The following EDN2 variants were observed in gnomAD, a reference collection of about 807,000 sequenced individuals.
EDN2 encodes endothelin-2.
EDN2 carries 10 observed loss-of-function variants against 19.9 expected under a neutral mutation model. The ratio of observed to expected loss-of-function variants is 0.50; its 90% CI spans 0.31 to 0.85. The LOEUF (loss-of-function observed/expected upper bound fraction) is 0.85. EDN2 is among the 40% of genes least tolerant of loss of function. The pLI is 0.05. For missense variants in EDN2, 222 were observed against 239.3 expected, an observed-to-expected ratio of 0.93 and a Z score of 0.48; for synonymous variants, 84 against 94.9, an observed-to-expected ratio of 0.89 and a Z score of 0.67.
intron 4 of EDN2, 131 bp from the exon 5 acceptor site, chr1:41,479,633 C>T: frequency 1.4e-6 from 1 of 721,374 alleles, no homozygotes; most frequent in Non-Finnish European, 2.3e-6. Context: ...TGGGGTCAGA[C>T]AGTGACCACA....
At chr1:41,484,366 T>C (rs915272294) in intron 1 of EDN2, among the ~76,000 whole-genome samples, 163 bp from the exon 2 acceptor site, 2 of 152,164 alleles carry the variant, frequency 1.3e-5, no homozygotes, top group Non-Finnish European at 2.9e-5. Context: ...CAGCAGCCCG[T>C]GGGGAGCCTG....
Position 41,482,317 on chromosome 1 carries a change from T to C in EDN2, c.344+149A>G, listed in dbSNP as rs1216065244. ...GTTCCTGCAAGAAGGGATGGTGCCA[T>C]GGACCCAAAGCAGCCTGTGGGCCCC... On this transcript the variant is annotated intron_variant, in intron 3 of 4. Transcript: ENST00000372587. 4 of 955,600 alleles carry C rather than the reference T, an allele frequency of 4.2e-6. No individual in the cohort carries two copies. In the African/African-American group the frequency reaches 5.2e-5, roughly 12 times the overall value. 59.2% of individuals were successfully genotyped at this position (955,600 alleles called of 1,614,324 possible).
At chr1:41,482,160 G>A (rs553594998) in intron 3 of EDN2, among the ~76,000 whole-genome samples, 5 of 152,228 alleles carry the variant, frequency 3.3e-5, no homozygotes, top group African/African-American at 1.2e-4. Context: ...GCAGCCTGAC[G>A]TGTCCTGCCC....
intron 4 of EDN2, chr1:41,480,555 C>T (rs1644238599): frequency 2.8e-6 from 1 of 362,522 alleles, no homozygotes; most frequent in Admixed American, 3.5e-5. Flanking sequence ...TTGTACCAGG[C>T]TGGGCTGGGG....
chr1:41,479,702 G>A (rs1392225559), intron 4 of EDN2, among the ~76,000 whole-genome samples, 200 bp from the exon 5 acceptor site: 1 of 152,218 alleles, frequency 6.6e-6, no homozygotes, highest in African/African-American at 2.4e-5. Flanking sequence ...AAGCTTCTCT[G>A]CACATGGGGG....
rs907414966 is a variant in EDN2, at chr1:41,479,266, G to A, written c.*143C>T. 4 of 760,774 alleles carry A rather than the reference G, an allele frequency of 5.3e-6. No individual in the cohort carries two copies. Among genetic ancestry groups the A allele is most frequent in the Non-Finnish European group, 6.9e-6 (3 of 436,210 alleles). 47.1% of individuals were successfully genotyped at this position (760,774 alleles called of 1,614,324 possible). A position where few individuals can be genotyped will look rare whatever the true frequency, so the allele number is the denominator to read the frequency against. On this transcript the variant is annotated 3_prime_UTR_variant, in exon 5 of 5. Transcript: ENST00000372587. ...ACGAGGCTCCCTCACCAGGGAGCTT[G>A]TGCCAATCCTGGCAAATGGGTCCAG...
At chr1:41,480,687 C>G (rs1257781783) in intron 4 of EDN2, 2 of 463,502 alleles carry the variant, frequency 4.3e-6, no homozygotes, top group South Asian at 3.1e-5. Flanking sequence ...TCCTGGGGGC[C>G]AGGTCTGACT....
chr1:41,479,374 G>C lies in EDN2; in HGVS notation c.*35C>G, dbSNP rs267598598. ...CACTTCTCTCCTCCTCTCTCCCCGCGGGCTTCCTTCCCAATGTTCCTCCAG... is the reference window on the plus strand; with the variant it reads ...CACTTCTCTCCTCCTCTCTCCCCGCCGGCTTCCTTCCCAATGTTCCTCCAG... On this transcript the variant is annotated 3_prime_UTR_variant, in exon 5 of 5. Transcript: ENST00000372587. 5 of 1,558,872 alleles carry C rather than the reference G, an allele frequency of 3.2e-6. No individual in the cohort carries two copies. In the African/African-American group the frequency reaches 5.4e-5, roughly 17 times the overall value.
intron 4 of EDN2, among the ~76,000 whole-genome samples, chr1:41,479,714 T>G (rs1174958370): frequency 6.6e-6 from 1 of 152,198 alleles, no homozygotes; most frequent in Non-Finnish European, 1.5e-5. Flanking sequence ...ACATGGGGGC[T>G]TTGACAGAGC....
intron 3 of EDN2, among the ~76,000 whole-genome samples, chr1:41,482,059 C>T (rs532843102): frequency 6.6e-6 from 1 of 152,294 alleles, no homozygotes; most frequent in South Asian, 2.1e-4. Flanking sequence ...GCTCCAAAGT[C>T]CCCCTGAACC....
chr1:41,482,514 G>C lies in EDN2; in HGVS notation c.296C>G (p.Ser99Cys), dbSNP rs1318791593. 25 of 1,596,742 alleles carry C rather than the reference G, an allele frequency of 1.6e-5. No homozygotes were observed. The highest frequency in any genetic ancestry group is 2.1e-5 in the Non-Finnish European group (25 of 1,172,846). Residue 99 changes from serine (S) to cysteine (C), a missense_variant, in exon 3 of 5, where the codon TCC becomes TGC. Transcript: ENST00000372587. ...GGCACAGGCGGGGTCCCTGGCACTGGAGCACTGACAGCGCCTTGGCAGGGA... is the reference window on the plus strand; with the variant it reads ...GGCACAGGCGGGGTCCCTGGCACTGCAGCACTGACAGCGCCTTGGCAGGGA... Reference protein sequence around the residue: ...RRSLPRRCQCSSARDPACATF... With the variant: ...RRSLPRRCQCCSARDPACATF...
At chr1:41,483,869 T>G in intron 2 of EDN2, 178 bp downstream of exon 2, 1 of 657,018 alleles carries the variant, frequency 1.5e-6, no homozygotes, top group Non-Finnish European at 2.6e-6. Flanking sequence ...GCCCTCTCTA[T>G]GGCTCAGGTG....
intron 2 of EDN2, 115 bp downstream of exon 2, chr1:41,483,932 A>T (rs998721981): frequency 7.5e-5 from 85 of 1,140,760 alleles, no homozygotes; most frequent in Non-Finnish European, 1.0e-4. Flanking sequence ...CAGTGCCTCC[A>T]TCTGGAGGCC....
At chr1:41,483,529 T>A (rs567949794) in intron 2 of EDN2, among the ~76,000 whole-genome samples, 1 of 152,224 alleles carries the variant, frequency 6.6e-6, no homozygotes, top group South Asian at 2.1e-4. Flanking sequence ...CAGGGCAGGT[T>A]CTCATCTGTC....
At position 41,484,044 on chromosome 1, in the gene EDN2, C is replaced by T. The variant is rs780800776; in HGVS notation, c.221+3G>A. 7.4e-5 allele frequency: 119 copies of T among 1,598,022 alleles called. No homozygotes were observed. The highest frequency in any genetic ancestry group is 2.7e-5 in the Non-Finnish European group (32 of 1,172,086). ...CCTGCCCCCAATCCCCATGGATGCT[C>T]ACTCAGGAGTGTTCACCCAGATGAT... On this transcript the variant is annotated splice_donor_region_variant and intron_variant, in intron 2 of 4. Coordinates refer to ENST00000372587, the MANE Select transcript of EDN2 (RefSeq NM_001956.5).
At chr1:41,483,276 G>A (rs1322557978) in intron 2 of EDN2, among the ~76,000 whole-genome samples, 5 of 152,234 alleles carry the variant, frequency 3.3e-5, no homozygotes, top group African/African-American at 1.2e-4. Context: ...GAGTCGCAGT[G>A]ACTCCAGGTA....
chr1:41,480,972 T>C, intron 4 of EDN2, 123 bp downstream of exon 4: 2 of 812,786 alleles, frequency 2.5e-6, no homozygotes, highest in Admixed American at 2.3e-5. Context: ...TGGCTTTCCC[T>C]CTCTGAGCCT....
In EDN2 at chr1:41,479,288, C is replaced by G. The variant is rs1053818863; in HGVS notation, c.*121G>C. 2 of 874,458 alleles carry G rather than the reference C, an allele frequency of 2.3e-6. No individual in the cohort carries two copies. The highest frequency in any genetic ancestry group is 3.7e-6 in the Non-Finnish European group (2 of 535,614). 54.2% of individuals were successfully genotyped at this position (874,458 alleles called of 1,614,324 possible). A position where few individuals can be genotyped will look rare whatever the true frequency, so the allele number is the denominator to read the frequency against. On this transcript the variant is annotated 3_prime_UTR_variant, in exon 5 of 5. Transcript: ENST00000372587. ...CTTGTGCCAATCCTGGCAAATGGGTCCAGCTGTCTGGGACCAAGGCCCCGG... is the reference window on the plus strand; with the variant it reads ...CTTGTGCCAATCCTGGCAAATGGGTGCAGCTGTCTGGGACCAAGGCCCCGG...
intron 3 of EDN2, 120 bp from the exon 4 acceptor site, chr1:41,481,313 C>G: frequency 1.4e-6 from 1 of 714,064 alleles, no homozygotes; most frequent in Non-Finnish European, 2.4e-6. Flanking sequence ...GGAGCAGATC[C>G]ATTTCCACCC....
Sources: gnomAD v4.1 joint callset for allele counts (sites outside exome capture counted in the v4.1 genomes callset) on GRCh38, gnomAD v4.1.1 for gene constraint, MANE v1.5 for transcripts, NCBI Gene and HGNC (gene_info 2026-07-23, HGNC 2026-07-21) for gene names.